The following EIF2AK3 variants were observed in gnomAD, a reference collection of about 807,000 sequenced individuals.
The protein encoded by EIF2AK3 is eukaryotic translation initiation factor 2-alpha kinase 3.
A neutral mutation model predicts 113.5 loss-of-function variants in EIF2AK3; 50 were observed. The observed-to-expected ratio is 0.44, with a 90% CI of 0.35 to 0.56. The LOEUF is 0.56. Among genes scored for constraint, EIF2AK3 ranks in the 20% least tolerant of loss-of-function variants. The probability of loss-of-function intolerance (pLI) is 0.00; values close to 1 mark genes in which losing one functional copy is unlikely to be tolerated. For missense variants in EIF2AK3, 1,185 were observed against 1,378.0 expected, an observed-to-expected ratio of 0.86 and a Z score of 2.22; for synonymous variants, 448 against 495.4, an observed-to-expected ratio of 0.90 and a Z score of 1.27.
rs1355992491 is a variant in EIF2AK3 at position 88,579,523 on chromosome 2, G to A, written c.1881C>T (p.Pro627=). The A allele has an allele frequency of 8.1e-6, 13 of 1,613,516 alleles. No homozygotes were observed. The highest frequency in any genetic ancestry group is 9.3e-6 in the Non-Finnish European group (11 of 1,179,748). ...CTGAAGGTACCACCCATTACCTATTGGGGAGACGGATCCTCTTGATAGCAT... is the reference window on the plus strand; with the variant it reads ...CTGAAGGTACCACCCATTACCTATTAGGGAGACGGATCCTCTTGATAGCAT... ...CNYAIKRIRL[P]NRELAREKVM... The change falls in exon 11 of 17, where the codon CCC becomes CCT. Residue 627 remains proline (P), a synonymous_variant. Coordinates refer to ENST00000303236, the MANE Select transcript of EIF2AK3 (RefSeq NM_004836.7).
chr2:88,578,210 A>G (rs1419249237), intron 11 of EIF2AK3, among the ~76,000 whole-genome samples: 1 of 152,220 alleles, frequency 6.6e-6, no homozygotes, highest in African/African-American at 2.4e-5. Flanking sequence ...AGCTGTGACT[A>G]CCAGATATGA....
At chr2:88,589,050 A>G in intron 6 of EIF2AK3, 149 bp from the exon 7 acceptor site, 3 of 938,546 alleles carry the variant, frequency 3.2e-6, no homozygotes, top group South Asian at 1.6e-5. Flanking sequence ...TCAAAGATAA[A>G]CTCAATGTTT....
At chr2:88,574,578 T>A in intron 13 of EIF2AK3, 88 bp downstream of exon 13, 1 of 1,485,046 alleles carries the variant, frequency 6.7e-7, no homozygotes. Context: ...CCCCAACTCT[T>A]AAGGATCCTT....
At chr2:88,617,392 A>G (rs191211935) in intron 1 of EIF2AK3, among the ~76,000 whole-genome samples, 1 of 152,208 alleles carries the variant, frequency 6.6e-6, no homozygotes, top group Non-Finnish European at 1.5e-5. Flanking sequence ...ACAGGAACAG[A>G]AAATCAAATA....
At chr2:88,562,040 T>C (rs1460731306) in intron 15 of EIF2AK3, among the ~76,000 whole-genome samples, 1 of 152,184 alleles carries the variant, frequency 6.6e-6, no homozygotes, top group East Asian at 1.9e-4. Flanking sequence ...GTGCAAAACA[T>C]TGTTAAATTA....
chr2:88,612,089 A>G (rs1675471012), intron 2 of EIF2AK3, among the ~76,000 whole-genome samples: 3 of 152,208 alleles, frequency 2.0e-5, no homozygotes, highest in Admixed American at 6.5e-5. Flanking sequence ...AACAGCTAAT[A>G]TAACGGCTAT....
chr2:88,558,908 T>C lies in EIF2AK3; in HGVS notation c.3150+9A>G. 6.3e-7 allele frequency: 1 copy of C among 1,581,208 alleles called. No individual in the cohort carries two copies. Among genetic ancestry groups the C allele is most frequent in the Non-Finnish European group, 8.7e-7 (1 of 1,150,664 alleles). ...TCTAAAGAAGATAAAAGATGAGAAT[T>C]ACACATACCTCACAAGGATATTTCT... On this transcript the variant is annotated intron_variant, in intron 16 of 16. Transcript: ENST00000303236.
At chr2:88,615,501 T>C (rs762457948) in intron 1 of EIF2AK3, among the ~76,000 whole-genome samples, 119 of 152,212 alleles carry the variant, frequency 7.8e-4, no homozygotes, top group Non-Finnish European at 1.1e-3. Context: ...GCCCCAGAGA[T>C]GCCCTTGCCC....
intron 13 of EIF2AK3, 156 bp downstream of exon 13, chr2:88,574,510 G>T: frequency 1.2e-6 from 1 of 829,068 alleles, no homozygotes; most frequent in Non-Finnish European, 1.9e-6. Flanking sequence ...TCTTATTCTT[G>T]CAGCAGGCCC....
At chr2:88,590,375 AG>A in intron 6 of EIF2AK3, 67 bp downstream of exon 6, 1 of 1,539,122 alleles carries the variant, frequency 6.5e-7, no homozygotes, top group Non-Finnish European at 9.0e-7. Flanking sequence ...TGAAGTAGGA[AG>A]GAACAATGTA....
At chr2:88,617,170 A>G (rs1329221270) in intron 1 of EIF2AK3, among the ~76,000 whole-genome samples, 1 of 152,250 alleles carries the variant, frequency 6.6e-6, no homozygotes, top group Non-Finnish European at 1.5e-5. Flanking sequence ...GAATGCAGGG[A>G]TGACCAGAGG....
At chr2:88,604,995 C>A (rs999161254) in intron 2 of EIF2AK3, among the ~76,000 whole-genome samples, 3 of 152,048 alleles carry the variant, frequency 2.0e-5, no homozygotes, top group Admixed American at 1.3e-4. Flanking sequence ...CCTTTTTGAT[C>A]CCCGATTTTA....
chr2:88,579,978 A>G (rs996409601), intron 10 of EIF2AK3: 6 of 253,574 alleles, frequency 2.4e-5, no homozygotes, highest in Middle Eastern at 1.5e-3. Context: ...CCTAATCCTC[A>G]TATCTTTTAC....
At chr2:88,590,271 T>C (rs966511824) in intron 6 of EIF2AK3, among the ~76,000 whole-genome samples, 172 bp downstream of exon 6, 1 of 151,890 alleles carries the variant, frequency 6.6e-6, no homozygotes, top group Non-Finnish European at 1.5e-5. Flanking sequence ...ATTGGACAAA[T>C]GGAAAAGTAG....
intron 2 of EIF2AK3, among the ~76,000 whole-genome samples, chr2:88,606,455 T>G (rs2104459090): frequency 6.6e-6 from 1 of 152,318 alleles, no homozygotes; most frequent in East Asian, 1.9e-4. Flanking sequence ...CTGTTTCATT[T>G]CTATAATTAA....
chr2:88,617,573 G>C (rs960177826), intron 1 of EIF2AK3, among the ~76,000 whole-genome samples: 1 of 151,972 alleles, frequency 6.6e-6, no homozygotes, highest in Non-Finnish European at 1.5e-5. Context: ...GGCCAACGTG[G>C]TGAAACCCCA....
At chr2:88,579,880 A>T (rs1328565314) in intron 10 of EIF2AK3, 2 of 419,992 alleles carry the variant, frequency 4.8e-6, no homozygotes, top group East Asian at 1.0e-4. Flanking sequence ...TTAATTGGGA[A>T]TCACTTGTTA....
At chr2:88,575,498 G>C (rs755363429) in intron 12 of EIF2AK3, 52 bp from the exon 13 acceptor site, 62 of 1,582,204 alleles carry the variant, frequency 3.9e-5, no homozygotes, top group Non-Finnish European at 5.2e-5. Context: ...ATTGATTCAA[G>C]TACCTGAACT....
chr2:88,574,578 TA>T, intron 13 of EIF2AK3, 87 bp downstream of exon 13: 1 of 1,485,046 alleles, frequency 6.7e-7, no homozygotes, highest in Non-Finnish European at 9.2e-7. Context: ...CCCCAACTCT[TA>T]AGGATCCTTC....
Sources: allele counts gnomAD v4.1 joint callset (sites outside exome capture counted in the v4.1 genomes callset), GRCh38; gene constraint gnomAD v4.1.1; transcripts MANE v1.5; gene names NCBI Gene and HGNC (gene_info 2026-07-23, HGNC 2026-07-21).